The following MIS18A variants were observed in gnomAD, a reference collection of about 807,000 sequenced individuals.
The protein encoded by MIS18A is MIS18 kinetochore protein A.
MIS18A carries 14 observed loss-of-function variants against 25.0 expected under a neutral mutation model. The ratio of observed to expected loss-of-function variants is 0.56; its 90% CI spans 0.37 to 0.88. The LOEUF is 0.88. Among genes scored for constraint, MIS18A ranks in the 40% least tolerant of loss-of-function variants. The pLI, the probability that MIS18A is intolerant of heterozygous loss-of-function variation, is 0.00. For synonymous variants in MIS18A, 134 were observed against 118.6 expected (o/e 1.13, Z -0.84); for missense variants, 292 against 290.8 (o/e 1.00, Z -0.03).
chr21:32,208,166 C>T, the MIS18A span, among the ~76,000 whole-genome samples: 1 of 152,184 alleles, frequency 6.6e-6, no homozygotes, highest in Non-Finnish European at 1.5e-5. Flanking sequence ...AACTTGGGGA[C>T]TCCACAAACT....
At chr21:32,248,619 A>G in the MIS18A span, among the ~76,000 whole-genome samples, 9 of 152,336 alleles carry the variant, frequency 5.9e-5, no homozygotes, top group South Asian at 6.2e-4. Context: ...ACCCTTCTCT[A>G]TTCAGACCTA....
the MIS18A span, among the ~76,000 whole-genome samples, chr21:32,220,401 G>A: frequency 6.6e-5 from 10 of 152,166 alleles, no homozygotes; most frequent in Non-Finnish European, 1.5e-4. Context: ...CTGTTAGAAG[G>A]AAAACTAACA....
the MIS18A span, among the ~76,000 whole-genome samples, chr21:32,175,284 G>A: frequency 6.6e-6 from 1 of 152,086 alleles, no homozygotes; most frequent in Non-Finnish European, 1.5e-5. Flanking sequence ...CCTGAACGGA[G>A]CTTGCAGAAC....
the MIS18A span, among the ~76,000 whole-genome samples, chr21:32,231,023 C>G: frequency 6.6e-6 from 1 of 151,638 alleles, no homozygotes; most frequent in Non-Finnish European, 1.5e-5. Context: ...CCACTTGAGG[C>G]CAGGAGTTCG....
chr21:32,277,412 T>A (rs2031834800), intron 1 of MIS18A, among the ~76,000 whole-genome samples: 1 of 152,204 alleles, frequency 6.6e-6, no homozygotes, highest in Admixed American at 6.5e-5. Flanking sequence ...GGAATCTCAT[T>A]CAAACAAAGA....
the MIS18A span, among the ~76,000 whole-genome samples, chr21:32,167,032 C>T: frequency 0.02 from 2,996 of 152,180 alleles, 110 homozygotes; most frequent in African/African-American, 0.067. Context: ...TGTAATAAAC[C>T]TGCACATTTA....
the MIS18A span, among the ~76,000 whole-genome samples, chr21:32,178,724 T>C: frequency 6.6e-6 from 1 of 152,194 alleles, no homozygotes; most frequent in Non-Finnish European, 1.5e-5. Flanking sequence ...ATTGAGCTTG[T>C]TGAGTCTATT....
chr21:32,244,775 T>C, the MIS18A span, among the ~76,000 whole-genome samples: 1 of 152,100 alleles, frequency 6.6e-6, no homozygotes, highest in Non-Finnish European at 1.5e-5. Flanking sequence ...TAAAAATCCA[T>C]ACATTAAGCC....
the MIS18A span, among the ~76,000 whole-genome samples, chr21:32,233,438 T>C: frequency 5.3e-5 from 8 of 152,184 alleles, no homozygotes; most frequent in Admixed American, 5.2e-4. Context: ...AAAATTGCTA[T>C]GTGCAGTGAT....
chr21:32,252,967 T>C, the MIS18A span, among the ~76,000 whole-genome samples: 2 of 152,188 alleles, frequency 1.3e-5, no homozygotes, highest in East Asian at 1.9e-4. Context: ...ATCTACTCTA[T>C]GCCCAGATCC....
At chr21:32,258,039 T>G in the MIS18A span, among the ~76,000 whole-genome samples, 65 of 152,116 alleles carry the variant, frequency 4.3e-4, no homozygotes, top group Non-Finnish European at 8.5e-4. Context: ...TCCTGCCAAG[T>G]CTCGTGTGAG....
the MIS18A span, among the ~76,000 whole-genome samples, chr21:32,210,006 C>A: frequency 1.3e-5 from 2 of 152,170 alleles, no homozygotes; most frequent in Non-Finnish European, 2.9e-5. Flanking sequence ...ATAACATGCT[C>A]AAGGCCAAGA....
chr21:32,248,229 G>A, the MIS18A span, among the ~76,000 whole-genome samples: 1,623 of 152,266 alleles, frequency 0.011, 30 homozygotes, highest in African/African-American at 0.036. Context: ...GACTTTAGCC[G>A]TGACATTGAC....
the MIS18A span, among the ~76,000 whole-genome samples, chr21:32,187,554 T>C: frequency 6.6e-6 from 1 of 152,170 alleles, no homozygotes; most frequent in African/African-American, 2.4e-5. Context: ...GGATCTGACA[T>C]ACATTTTCTG....
chr21:32,214,154 C>A, the MIS18A span, among the ~76,000 whole-genome samples: 27 of 152,164 alleles, frequency 1.8e-4, no homozygotes, highest in African/African-American at 6.3e-4. Context: ...ATGGTGCCCA[C>A]GCCCTTGACC....
the MIS18A span, among the ~76,000 whole-genome samples, chr21:32,236,876 T>C: frequency 6.6e-6 from 1 of 152,128 alleles, no homozygotes; most frequent in Non-Finnish European, 1.5e-5. Flanking sequence ...AGAATGGATA[T>C]GGGGGTACAG....
chr21:32,250,282 C>T, the MIS18A span, among the ~76,000 whole-genome samples: 1 of 152,270 alleles, frequency 6.6e-6, no homozygotes, highest in Non-Finnish European at 1.5e-5. Context: ...TACTAACCAA[C>T]TCTCCCTGTC....
the MIS18A span, among the ~76,000 whole-genome samples, chr21:32,155,919 C>T: frequency 1.3e-5 from 2 of 150,258 alleles, no homozygotes; most frequent in East Asian, 2.0e-4. Context: ...TAGTTTCAGT[C>T]TTGGTAAAAT....
the MIS18A span, among the ~76,000 whole-genome samples, chr21:32,247,462 T>C: frequency 6.6e-6 from 1 of 152,200 alleles, no homozygotes; most frequent in Non-Finnish European, 1.5e-5. Flanking sequence ...GTGGACCCCT[T>C]TGGGAATGTC....
Sources: gnomAD v4.1 joint callset for allele counts (sites outside exome capture counted in the v4.1 genomes callset) on GRCh38, gnomAD v4.1.1 for gene constraint, MANE v1.5 for transcripts, NCBI Gene and HGNC (gene_info 2026-07-23, HGNC 2026-07-21) for gene names.